FER1L5: variants seen among roughly 807,000 people sequenced by gnomAD.
The protein encoded by FER1L5 is fer-1 like family member 5, also known as fer-1-like protein 5.
Under a neutral mutation model 279.9 loss-of-function variants are expected in FER1L5, and 187 were observed. That is an observed-to-expected ratio of 0.67 (90% confidence interval 0.59 to 0.75). FER1L5 has a LOEUF of 0.75. FER1L5 is among the 30% of genes least tolerant of loss of function. The pLI is 0.00. For missense variants in FER1L5, 2,091 were observed against 2,594.4 expected (o/e 0.81, Z 4.21); for synonymous variants, 921 against 989.7 (o/e 0.93, Z 1.30).
At position 96,699,256 on chromosome 2, in the gene FER1L5, G is replaced by A. The variant is rs1398241376; in HGVS notation, c.4610+120G>A. The A allele has an allele frequency of 2.6e-5, 27 of 1,028,964 alleles. No homozygotes were observed. In the Middle Eastern group the frequency reaches 1.2e-3, roughly 44 times the overall value. 63.7% of individuals were successfully genotyped at this position (1,028,964 alleles called of 1,614,324 possible). ...CCAGCCTCCAAGTTCCCACCACAGC[G>A]TCTTACATGCCCTGGTGCTCAACAG... On this transcript the variant is annotated intron_variant, in intron 42 of 52. Coordinates refer to ENST00000624922, the MANE Select transcript of FER1L5 (RefSeq NM_001293083.2).
Position 96,689,002 on chromosome 2 carries a change from AC to A in FER1L5, c.2362-207del. The A allele has an allele frequency of 1.8e-6, 1 of 560,954 alleles. No homozygotes were observed. Among genetic ancestry groups the A allele is most frequent in the Non-Finnish European group, 3.1e-6 (1 of 318,844 alleles). 34.7% of individuals were successfully genotyped at this position (560,954 alleles called of 1,614,324 possible). On this transcript the variant is annotated intron_variant, in intron 24 of 52. Coordinates refer to ENST00000624922, the MANE Select transcript of FER1L5 (RefSeq NM_001293083.2). This position sits in a 1 kb window ranked among gnomAD's most constrained non-coding sequence, Gnocchi z 4.6. Reference sequence around the variant, plus strand: ...ATCTCTGTCCACACATGCAGCATCCACCCCACTCTGCCAGCTGAATGATCCA... The same window carrying A: ...ATCTCTGTCCACACATGCAGCATCCACCCACTCTGCCAGCTGAATGATCCA...
In FER1L5 at chr2:96,691,102, C is replaced by A; in HGVS notation, c.2744-88C>A. The A allele has an allele frequency of 1.4e-6, 2 of 1,416,170 alleles. No homozygotes were observed. The highest frequency in any genetic ancestry group is 1.9e-6 in the Non-Finnish European group (2 of 1,065,898). 87.7% of individuals were successfully genotyped at this position (1,416,170 alleles called of 1,614,324 possible). On this transcript the variant is annotated intron_variant, in intron 27 of 52. Coordinates refer to ENST00000624922, the MANE Select transcript of FER1L5 (RefSeq NM_001293083.2). The surrounding 1 kb of genome is among the most constrained non-coding windows in gnomAD (Gnocchi z 6.0). ...AGACCTGGATGTGAGGGAAGTAATG[C>A]CCCTCTAGGGCCTGTCTCCCGGGTT...
At chr2:96,658,174 G>A (rs549257445) in intron 9 of FER1L5, among the ~76,000 whole-genome samples, 5 of 151,820 alleles carry the variant, frequency 3.3e-5, no homozygotes, top group Non-Finnish European at 5.9e-5. Context: ...CTGCTACTAC[G>A]TGTGGGCTAA....
chr2:96,704,409 C>T, intron 52 of FER1L5, 47 bp downstream of exon 52: 1 of 1,613,054 alleles, frequency 6.2e-7, no homozygotes, highest in Non-Finnish European at 8.5e-7. Context: ...CTCGGGATGA[C>T]TCTGGGGACA....
intron 51 of FER1L5, among the ~76,000 whole-genome samples, chr2:96,703,997 G>A (rs1000075546): frequency 1.3e-5 from 2 of 151,910 alleles, no homozygotes; most frequent in African/African-American, 4.8e-5. Flanking sequence ...TGTATTTTTA[G>A]TAGAGACGCG....
At chr2:96,663,930 C>T (rs2076039125) in intron 14 of FER1L5, among the ~76,000 whole-genome samples, 1 of 152,018 alleles carries the variant, frequency 6.6e-6, no homozygotes, top group Non-Finnish European at 1.5e-5. Context: ...GTAGTTCCAG[C>T]TACTCGGGAG....
chr2:96,701,865 G>A (rs953514133), intron 45 of FER1L5, 90 bp from the exon 46 acceptor site: 13 of 1,281,244 alleles, frequency 1.0e-5, no homozygotes, highest in Admixed American at 9.8e-5. Flanking sequence ...AACCTCAACA[G>A]ACCTCAGAAC....
At position 96,668,869 on chromosome 2, in the gene FER1L5, AGT is replaced by A. The variant is rs1297875456; in HGVS notation, c.1185-12_1185-11del. On this transcript the variant is annotated splice_polypyrimidine_tract_variant and intron_variant, in intron 15 of 52. Transcript: ENST00000624922. ...GCTGGGCCGGGGGCTCAGCCTGAGG[AGT>A]GTGTTTCTCTCTAGCCGCAAGAAGG... 4 of 1,551,252 alleles carry A rather than the reference AGT, an allele frequency of 2.6e-6. No individual in the cohort carries two copies. In the East Asian group the frequency reaches 7.3e-5, roughly 28 times the overall value.
At position 96,703,023 on chromosome 2, in the gene FER1L5, C is replaced by T. The variant is rs1157820367; in HGVS notation, c.5443C>T (p.Arg1815Ter). 6.2e-6 allele frequency: 10 copies of T among 1,613,250 alleles called. No individual in the cohort carries two copies. Among genetic ancestry groups the T allele is most frequent in the South Asian group, 4.4e-5 (4 of 90,898 alleles). Residue 1815 changes from arginine (R) to a stop codon, truncating the protein, a stop_gained, in exon 49 of 53, where the codon CGA (arginine) becomes TGA (stop). Coordinates refer to ENST00000624922, the MANE Select transcript of FER1L5 (RefSeq NM_001293083.2). LOFTEE classifies it high-confidence loss of function. The part of the protein sequence containing the change: ...LDATSMKFPA[R>*]LIIQVWDNDI... ...TGCCACGTCCATGAAGTTCCCAGCC[C>T]GACTTATCATCCAGGTCTGGGACAA... is the stretch of plus-strand genomic sequence containing the variant.
chr2:96,681,295 C>T (rs1165261173), intron 19 of FER1L5, among the ~76,000 whole-genome samples: 6 of 152,100 alleles, frequency 3.9e-5, no homozygotes, highest in Non-Finnish European at 7.4e-5. Flanking sequence ...TACAATGAGC[C>T]GTGATCATGC....
Position 96,703,288 on chromosome 2 carries a change from A to G in FER1L5, c.5633A>G (p.Lys1878Arg), listed in dbSNP as rs553479675. 1 of 1,613,852 alleles carries G rather than the reference A, an allele frequency of 6.2e-7. No individual in the cohort carries two copies. Residue 1878 changes from lysine (K) to arginine (R), a missense_variant, in exon 50 of 53, where the codon AAG becomes AGG. Coordinates refer to ENST00000624922, the MANE Select transcript of FER1L5 (RefSeq NM_001293083.2). ...QYKHFSLFKK[K>R]TVTGWWPCQV... ...AAGCACTTCTCCCTCTTTAAGAAGA[A>G]GACTGTGACTGGCTGGTGGCCTTGC...
chr2:96,668,659 A>G (rs2076213823), intron 14 of FER1L5, 92 bp from the exon 15 acceptor site: 19 of 1,453,046 alleles, frequency 1.3e-5, no homozygotes, highest in Non-Finnish European at 1.6e-5. Flanking sequence ...ACTTGCTCCC[A>G]GACCCGCGAC....
At chr2:96,697,899 C>G (rs146601622) in intron 39 of FER1L5, 138 bp downstream of exon 39, 2 of 1,448,536 alleles carry the variant, frequency 1.4e-6, no homozygotes, top group Non-Finnish European at 1.9e-6. Flanking sequence ...AGCTGCCACC[C>G]TGTCTGAAGC....
At position 96,702,512 on chromosome 2, in the gene FER1L5, C is replaced by G; in HGVS notation, c.5256-88C>G. On this transcript the variant is annotated intron_variant, in intron 47 of 52. Transcript: ENST00000624922. The surrounding 1 kb of genome is among the most constrained non-coding windows in gnomAD (Gnocchi z 4.0). ...CACCTCTCCATCCAGCTCTGCCTGG[C>G]GTCGGCTGGGCAGCCCTTCCCATGG... 1 of 1,547,914 alleles carries G rather than the reference C, an allele frequency of 6.5e-7. No individual in the cohort carries two copies. Among genetic ancestry groups the G allele is most frequent in the Non-Finnish European group, 8.7e-7 (1 of 1,144,898 alleles).
At chr2:96,678,474 C>G (rs190915597) in intron 19 of FER1L5, among the ~76,000 whole-genome samples, 2 of 151,820 alleles carry the variant, frequency 1.3e-5, no homozygotes, top group African/African-American at 4.8e-5. Context: ...CGCTCTGACA[C>G]CCAAGCTGGA....
rs1212818175 is a variant in FER1L5, at chr2:96,689,847, G to A, written c.2640+89G>A. 5 of 1,160,320 alleles carry A rather than the reference G, an allele frequency of 4.3e-6. No individual in the cohort carries two copies. The Admixed American group carries it at 7.8e-5, about 18-fold the overall frequency. 71.9% of individuals were successfully genotyped at this position (1,160,320 alleles called of 1,614,324 possible). A position where few individuals can be genotyped will look rare whatever the true frequency, so the allele number is the denominator to read the frequency against. ...GAAGCTGGGGGTCCCAGTGGAAAGG[G>A]TCTGAGCCCTATGCCCTGCACTATG... On this transcript the variant is annotated intron_variant, in intron 26 of 52. Coordinates refer to ENST00000624922, the MANE Select transcript of FER1L5 (RefSeq NM_001293083.2). This position sits in a 1 kb window ranked among gnomAD's most constrained non-coding sequence, Gnocchi z 4.6.
rs770436604 is a variant in FER1L5 at position 96,698,054 on chromosome 2, G to A, written c.4254G>A (p.Leu1418=). The change falls in exon 40 of 53, where the codon CTG becomes CTA. Residue 1418 remains leucine, a synonymous_variant. Transcript: ENST00000624922. The surrounding 1 kb of genome is among the most constrained non-coding windows in gnomAD (Gnocchi z 5.5). ...CTCTGCAGGTGTATGAGTGTGAGCT[G>A]GAGGCCGTGCCAGCCTTCCAGGGCC... is the stretch of plus-strand genomic sequence containing the variant. The part of the protein sequence containing the change: ...YHTLKVYECE[L]EAVPAFQGLQ... 58 of 1,578,676 alleles carry A rather than the reference G, an allele frequency of 3.7e-5. No individual in the cohort carries two copies. In the East Asian group the frequency reaches 1.3e-3, roughly 36 times the overall value.
intron 37 of FER1L5, 68 bp from the exon 38 acceptor site, chr2:96,697,458 T>G: frequency 6.4e-7 from 1 of 1,561,716 alleles, no homozygotes; most frequent in Non-Finnish European, 8.7e-7. Flanking sequence ...TCAACCCCCC[T>G]CTCCTCTCTG....
chr2:96,695,006 T>C (rs1047232804), intron 34 of FER1L5: 18 of 155,430 alleles, frequency 1.2e-4, no homozygotes, highest in Non-Finnish European at 1.4e-5. Flanking sequence ...GTTCCCGCTT[T>C]AGGCCCCGAG....
Sources: allele counts gnomAD v4.1 joint callset (sites outside exome capture counted in the v4.1 genomes callset), GRCh38; gene constraint gnomAD v4.1.1; non-coding constraint Gnocchi (gnomAD v3.1); transcripts MANE v1.5; gene names NCBI Gene and HGNC (gene_info 2026-07-23, HGNC 2026-07-21).